Variants in ACTN1 observed in about 807,000 individuals in gnomAD.
ACTN1 encodes the protein actinin alpha 1, also known as alpha-actinin-1.
A neutral mutation model predicts 119.6 loss-of-function variants in ACTN1; 30 were observed. That is an observed-to-expected ratio of 0.25 (90% CI 0.19 to 0.34). The LOEUF (loss-of-function observed/expected upper bound fraction) is 0.34. ACTN1 is among the 10% of genes least tolerant of loss of function. The probability of loss-of-function intolerance (pLI) is 1.00; values close to 1 mark genes in which losing one functional copy is unlikely to be tolerated. For missense variants in ACTN1, 764 were observed against 1,223.4 expected, an observed-to-expected ratio of 0.62 and a Z score of 5.60; for synonymous variants, 429 against 472.6, an observed-to-expected ratio of 0.91 and a Z score of 1.20.
intron 3 of ACTN1, 142 bp downstream of exon 3, chr14:68,920,864 G>A (rs1055084297): frequency 1.7e-6 from 2 of 1,179,232 alleles, no homozygotes; most frequent in African/African-American, 3.1e-5. Flanking sequence ...GCCTCCACAG[G>A]CGACCAGATG....
At chr14:68,959,507 T>C (rs2036456601) in intron 1 of ACTN1, among the ~76,000 whole-genome samples, 1 of 152,270 alleles carries the variant, frequency 6.6e-6, no homozygotes, top group African/African-American at 2.4e-5. Flanking sequence ...AAACACTTGA[T>C]ACTTCCAAGT....
chr14:68,906,591 G>A (rs2033680275), intron 6 of ACTN1, among the ~76,000 whole-genome samples: 1 of 152,136 alleles, frequency 6.6e-6, no homozygotes, highest in Non-Finnish European at 1.5e-5. Context: ...CAGTGCTCAG[G>A]TCCAGGTATA....
chr14:68,893,528 G>T, intron 9 of ACTN1, 127 bp downstream of exon 9: 1 of 899,052 alleles, frequency 1.1e-6, no homozygotes, highest in Non-Finnish European at 1.7e-6. Flanking sequence ...GGCTGCCCTG[G>T]ACTAGCAGTA....
In ACTN1 at chr14:68,901,248, TG is replaced by T. The variant is rs1158436908; in HGVS notation, c.762+1228del. On this transcript the variant is annotated intron_variant, in intron 8 of 21. Coordinates refer to ENST00000394419, the MANE Select transcript of ACTN1 (RefSeq NM_001130004.2). Reference sequence around the variant, plus strand: ...TTTTTGTTTTGTTTTGTTTTTGTTTTGTTTTTTTTTTTTTTTTGAGACAGAG... The same window carrying T: ...TTTTTGTTTTGTTTTGTTTTTGTTTTTTTTTTTTTTTTTTTTGAGACAGAG... Among the ~76,000 whole-genome samples, 381 of 128,628 alleles carry T rather than the reference TG, an allele frequency of 3.0e-3. 2 individuals are homozygous for T. The highest frequency in any genetic ancestry group is 0.02 in the Middle Eastern group (5 of 244). The allele number at this position is 128,628 out of a possible 152,430, so 84.4% of individuals were successfully genotyped here.
chr14:68,876,111 C>T (rs1342700439), intron 21 of ACTN1, among the ~76,000 whole-genome samples: 1 of 152,180 alleles, frequency 6.6e-6, no homozygotes, highest in Non-Finnish European at 1.5e-5. Context: ...ATTTTCAGGC[C>T]TCAGCCTCCC....
At chr14:68,962,508 T>C (rs2036572062) in intron 1 of ACTN1, among the ~76,000 whole-genome samples, 1 of 152,142 alleles carries the variant, frequency 6.6e-6, no homozygotes. Flanking sequence ...GGAGAGGCCT[T>C]GAAGGCCAGG....
At chr14:68,973,015 C>T (rs542165476) in intron 1 of ACTN1, among the ~76,000 whole-genome samples, 18 of 152,308 alleles carry the variant, frequency 1.2e-4, no homozygotes, top group Non-Finnish European at 2.5e-4. Flanking sequence ...TGAACGTTGC[C>T]ACACACAGCT....
intron 1 of ACTN1, chr14:68,978,439 T>C: frequency 2.9e-6 from 1 of 340,136 alleles, no homozygotes; most frequent in South Asian, 2.1e-5. Context: ...TCTCCGGCGC[T>C]CTCCCCTCCG....
Position 68,893,672 on chromosome 14 carries a change from C to G in ACTN1, c.838G>C (p.Glu280Gln), listed in dbSNP as rs777737348. The part of the protein sequence containing the change: ...QENEQLMEDY[E>Q]KLASDLLEWI... ...GTACCCACATCACTGGCCAGCTTCT[C>G]GTAGTCTTCCATAAGCTGCTCGTTC... Residue 280 changes from glutamate to glutamine, a missense_variant, in exon 9 of 22, where the codon GAG becomes CAG. Around this residue, in one of 4 missense-constraint regions of ACTN1, gnomAD observed 544 missense variants for 912.0 expected, o/e 0.60. Coordinates refer to ENST00000394419, the MANE Select transcript of ACTN1 (RefSeq NM_001130004.2). 1.9e-6 allele frequency: 3 copies of G among 1,614,004 alleles called. No homozygotes were observed. The highest frequency in any genetic ancestry group is 4.5e-5 in the East Asian group (2 of 44,892).
chr14:68,939,193 C>T (rs1356563244), intron 1 of ACTN1, among the ~76,000 whole-genome samples: 2 of 152,322 alleles, frequency 1.3e-5, no homozygotes, highest in South Asian at 2.1e-4. Context: ...ATCAGAGCCA[C>T]TTTAAAACAG....
In ACTN1 at chr14:68,878,161, A is replaced by G. The variant is rs1018434067; in HGVS notation, c.2427+297T>C. On this transcript the variant is annotated intron_variant, in intron 20 of 21. Coordinates refer to ENST00000394419, the MANE Select transcript of ACTN1 (RefSeq NM_001130004.2). This position sits in a 1 kb window ranked among gnomAD's most constrained non-coding sequence, Gnocchi z 4.4. ...GAAACCTGGGATGTCCCACACCACCAGTCCTTCCTGCCAGCCTCAGGGTCA... is the reference window on the plus strand; with the variant it reads ...GAAACCTGGGATGTCCCACACCACCGGTCCTTCCTGCCAGCCTCAGGGTCA... 1.2e-5 allele frequency: 4 copies of G among 332,090 alleles called. No individual in the cohort carries two copies. In the Admixed American group the frequency reaches 1.3e-4, roughly 11 times the overall value. 20.6% of individuals were successfully genotyped at this position (332,090 alleles called of 1,614,324 possible).
At chr14:68,884,704 A>G in intron 13 of ACTN1, 71 bp downstream of exon 13, 2 of 1,293,306 alleles carry the variant, frequency 1.5e-6, no homozygotes, top group Non-Finnish European at 1.1e-6. Flanking sequence ...AAGCAAAGAG[A>G]GTCAAGAAGC....
At chr14:68,881,936 C>CCT (rs2031552165) in intron 16 of ACTN1, among the ~76,000 whole-genome samples, 1 of 58,394 alleles carries the variant, frequency 1.7e-5, no homozygotes, top group African/African-American at 1.1e-4. Flanking sequence ...TAGGCAGCTT[C>CCT]TTTTTTTTTT....
At chr14:68,958,269 A>G (rs2036417207) in intron 1 of ACTN1, among the ~76,000 whole-genome samples, 1 of 152,214 alleles carries the variant, frequency 6.6e-6, no homozygotes, top group Admixed American at 6.5e-5. Context: ...AGTGGCTGAG[A>G]AGACCGTTTG....
chr14:68,918,356 T>G (rs978092738), intron 3 of ACTN1, among the ~76,000 whole-genome samples: 1 of 145,296 alleles, frequency 6.9e-6, no homozygotes, highest in Non-Finnish European at 1.5e-5. Context: ...CTGAGGCGGG[T>G]GGATCACGAG....
At chr14:68,892,993 T>C (rs1013942989) in intron 9 of ACTN1, among the ~76,000 whole-genome samples, 3 of 151,892 alleles carry the variant, frequency 2.0e-5, no homozygotes, top group Non-Finnish European at 4.4e-5. Flanking sequence ...CCCTACCAGG[T>C]CCTGTAACTT....
intron 1 of ACTN1, among the ~76,000 whole-genome samples, chr14:68,950,791 G>C (rs1221112606): frequency 6.6e-6 from 1 of 152,100 alleles, no homozygotes; most frequent in Admixed American, 6.5e-5. Context: ...TGGATCTACT[G>C]ACCTTGTGAT....
chr14:68,945,174 A>AG (rs1555357424), intron 1 of ACTN1, among the ~76,000 whole-genome samples: 20 of 150,664 alleles, frequency 1.3e-4, no homozygotes, highest in Admixed American at 7.9e-4. Context: ...AAAAAAAAAA[A>AG]AAAGAAAGAA....
At chr14:68,959,953 C>T (rs1192934126) in intron 1 of ACTN1, among the ~76,000 whole-genome samples, 5 of 152,166 alleles carry the variant, frequency 3.3e-5, no homozygotes, top group African/African-American at 7.2e-5. Context: ...AAAAACACAT[C>T]GACATCCATG....
Sources: gnomAD v4.1 joint callset for allele counts (sites outside exome capture counted in the v4.1 genomes callset) on GRCh38, gnomAD v4.1.1 for gene constraint, gnomAD v4.1.1 regional missense constraint, Gnocchi (gnomAD v3.1) non-coding constraint, MANE v1.5 for transcripts, NCBI Gene and HGNC (gene_info 2026-07-23, HGNC 2026-07-21) for gene names.